The following ATP9A variants were observed in gnomAD, a reference collection of about 807,000 sequenced individuals.
ATP9A encodes the protein ATPase phospholipid transporting 9A, also known as probable phospholipid-transporting ATPase IIA.
A neutral mutation model predicts 144.1 loss-of-function variants in ATP9A; 52 were observed. The ratio of observed to expected loss-of-function variants is 0.36; its 90% confidence interval spans 0.29 to 0.45. The LOEUF (loss-of-function observed/expected upper bound fraction) is 0.45. Among genes scored for constraint, ATP9A ranks in the 20% least tolerant of loss-of-function variants. The pLI, the probability that ATP9A is intolerant of heterozygous loss-of-function variation, is 1.00. For synonymous variants in ATP9A, 582 were observed against 557.4 expected (o/e 1.04, Z -0.62); for missense variants, 947 against 1,392.7 (o/e 0.68, Z 5.09).
chr20:51,624,331 G>C (rs1420945320), intron 18 of ATP9A, among the ~76,000 whole-genome samples: 1 of 152,142 alleles, frequency 6.6e-6, no homozygotes, highest in African/African-American at 2.4e-5. Flanking sequence ...AGTGGAGGCC[G>C]GTGGCAGGCA....
At chr20:51,626,048 T>C (rs2077247222) in intron 17 of ATP9A, among the ~76,000 whole-genome samples, 1 of 152,224 alleles carries the variant, frequency 6.6e-6, no homozygotes, top group South Asian at 2.1e-4. Flanking sequence ...TCCCTTGCAT[T>C]CCTGCACGCT....
At chr20:51,630,855 A>C (rs530567107) in intron 15 of ATP9A, among the ~76,000 whole-genome samples, 129 of 152,262 alleles carry the variant, frequency 8.5e-4, no homozygotes, top group African/African-American at 2.9e-3. Flanking sequence ...AGGTGATGAA[A>C]CATACAGCTT....
At chr20:51,753,243 T>C (rs965166412) in intron 1 of ATP9A, among the ~76,000 whole-genome samples, 1 of 152,182 alleles carries the variant, frequency 6.6e-6, no homozygotes, top group African/African-American at 2.4e-5. Flanking sequence ...ATGCTGTCAT[T>C]CAAAATGTCA....
intron 24 of ATP9A, among the ~76,000 whole-genome samples, chr20:51,609,474 G>A (rs1250288256): frequency 6.6e-6 from 1 of 152,072 alleles, no homozygotes; most frequent in African/African-American, 2.4e-5. Context: ...TAGGGCACTC[G>A]GTAACCAAAC....
chr20:51,639,545 G>A (rs1420610605), intron 14 of ATP9A, 41 bp from the exon 15 acceptor site: 77 of 1,570,198 alleles, frequency 4.9e-5, no homozygotes, highest in Admixed American at 9.4e-5. Context: ...GCCCAGCCGA[G>A]AATCTGGGTT....
At chr20:51,765,870 T>TGG in intron 1 of ATP9A, among the ~76,000 whole-genome samples, 1 of 151,768 alleles carries the variant, frequency 6.6e-6, no homozygotes, top group Non-Finnish European at 1.5e-5. Context: ...GGCAGAAGAA[T>TGG]CGCTTGAACC....
Position 51,607,576 on chromosome 20 carries a change from C to T in ATP9A, c.2754G>A (p.Pro918=), listed in dbSNP as rs763164950. Residue 918 remains proline (P), a synonymous_variant, in exon 26 of 28, where the codon CCG becomes CCA. Transcript: ENST00000338821. ...ATATTAAGAATGTCTTGTAGGACAA[C>T]GGCCGTCCCTGAATGAGAGACAGAG... The part of the protein sequence containing the change: ...ELYKDLLKGR[P]LSYKTFLIWV... 74 of 1,612,910 alleles carry T rather than the reference C, an allele frequency of 4.6e-5. No individual in the cohort carries two copies. Among genetic ancestry groups the T allele is most frequent in the Non-Finnish European group, 5.9e-5 (70 of 1,179,188 alleles).
intron 13 of ATP9A, among the ~76,000 whole-genome samples, chr20:51,665,381 C>A (rs569343282): frequency 3.9e-5 from 6 of 152,204 alleles, no homozygotes; most frequent in South Asian, 4.1e-4. Flanking sequence ...CTTAAAAGAG[C>A]AAATTTTATG....
intron 1 of ATP9A, among the ~76,000 whole-genome samples, chr20:51,765,601 G>A (rs984016636): frequency 2.1e-5 from 3 of 141,676 alleles, no homozygotes; most frequent in African/African-American, 5.4e-5. Context: ...GCAGTGAGCC[G>A]AGATCGTGCC....
chr20:51,719,501 A>G (rs2077678770), intron 3 of ATP9A, among the ~76,000 whole-genome samples: 1 of 152,130 alleles, frequency 6.6e-6, no homozygotes, highest in Non-Finnish European at 1.5e-5. Context: ...TTGGGAGGCC[A>G]AGATGGGCGG....
intron 9 of ATP9A, among the ~76,000 whole-genome samples, chr20:51,679,626 C>T (rs1366034631): frequency 3.9e-5 from 6 of 152,174 alleles, no homozygotes; most frequent in Admixed American, 6.5e-5. Flanking sequence ...TCACTCCCAC[C>T]CTCTGCAGCC....
chr20:51,741,492 G>A (rs566904799), intron 1 of ATP9A, among the ~76,000 whole-genome samples: 1 of 152,210 alleles, frequency 6.6e-6, no homozygotes, highest in East Asian at 1.9e-4. Context: ...CAGGACAATC[G>A]CTTGAACCTG....
rs371218744 is a variant in ATP9A, at chr20:51,656,895, A to T, written c.1506+43T>A. 2.3e-5 allele frequency: 36 copies of T among 1,565,390 alleles called. 2 individuals are homozygous for T. The highest frequency in any genetic ancestry group is 1.6e-4 in the East Asian group (7 of 43,596). On this transcript the variant is annotated intron_variant, in intron 14 of 27. Coordinates refer to ENST00000338821, the MANE Select transcript of ATP9A (RefSeq NM_006045.3). ...CGCCTAATTCCAGCACAGAGAAAACAAGCAGGGCCTCCCCATGCCTTGCTG... is the reference window on the plus strand; with the variant it reads ...CGCCTAATTCCAGCACAGAGAAAACTAGCAGGGCCTCCCCATGCCTTGCTG...
chr20:51,672,705 T>G (rs2077461128), intron 11 of ATP9A, among the ~76,000 whole-genome samples: 2 of 152,136 alleles, frequency 1.3e-5, no homozygotes, highest in African/African-American at 4.8e-5. Context: ...GTATAAGCAC[T>G]AAAAGTTTCA....
At chr20:51,719,731 CAAA>C (rs11483274) in intron 3 of ATP9A, among the ~76,000 whole-genome samples, 1 of 55,316 alleles carries the variant, frequency 1.8e-5, no homozygotes, top group Non-Finnish European at 3.6e-5. Context: ...GACTCTGTCT[CAAA>C]AAAAAAAAAA....
intron 11 of ATP9A, among the ~76,000 whole-genome samples, chr20:51,671,774 A>G (rs570023042): frequency 3.9e-4 from 58 of 150,066 alleles, no homozygotes; most frequent in African/African-American, 1.3e-3. Flanking sequence ...GGCAACCAGC[A>G]CTCTACTTAC....
intron 9 of ATP9A, among the ~76,000 whole-genome samples, chr20:51,681,772 A>G (rs1019748751): frequency 5.3e-5 from 8 of 152,206 alleles, no homozygotes; most frequent in African/African-American, 1.2e-4. Flanking sequence ...GGGCACATGC[A>G]TCTGTCTCCT....
chr20:51,607,160 C>A (rs1360765704), intron 26 of ATP9A, among the ~76,000 whole-genome samples: 2 of 152,184 alleles, frequency 1.3e-5, no homozygotes, highest in African/African-American at 4.8e-5. Flanking sequence ...GAAGACCCCC[C>A]TCTGGAGGCC....
intron 1 of ATP9A, among the ~76,000 whole-genome samples, chr20:51,760,503 G>T (rs981860438): frequency 1.3e-5 from 2 of 152,174 alleles, no homozygotes; most frequent in African/African-American, 4.8e-5. Context: ...AAGGCAGGCG[G>T]ATCACCTGAG....
Sources: allele counts gnomAD v4.1 joint callset (sites outside exome capture counted in the v4.1 genomes callset), GRCh38; gene constraint gnomAD v4.1.1; transcripts MANE v1.5; gene names NCBI Gene and HGNC (gene_info 2026-07-23, HGNC 2026-07-21).